The following MINDY4B variants were observed in gnomAD, a reference collection of about 807,000 sequenced individuals.
The protein encoded by MINDY4B is inactive ubiquitin carboxyl-terminal hydrolase MINDY-4B.
A neutral mutation model predicts 16.7 loss-of-function variants in MINDY4B; 25 were observed. The observed-to-expected ratio is 1.49, with a 90% CI of 1.09 to 2.09. MINDY4B has a LOEUF of 2.09. Among genes scored for constraint, MINDY4B ranks in the 30% most tolerant of loss-of-function variants. The pLI, the probability that MINDY4B is intolerant of heterozygous loss-of-function variation, is 0.00. For missense variants in MINDY4B, 327 were observed against 168.4 expected (o/e 1.94, Z -5.21); for synonymous variants, 132 against 61.9 (o/e 2.13, Z -5.32).
In MINDY4B at chr3:150,882,959, G is replaced by C. The variant is rs1161068678; in HGVS notation, c.997C>G (p.Arg333Gly). The C allele has an allele frequency of 1.0e-5, 7 of 702,764 alleles. No homozygotes were observed. 43.5% of individuals were successfully genotyped at this position (702,764 alleles called of 1,614,324 possible). The change falls in exon 10 of 12, where the codon CGC (arginine) becomes GGC (glycine). Residue 333 changes from arginine to glycine, a missense_variant. Arg to Gly is a moderately radical substitution (Grantham distance 125). Transcript: ENST00000465419. The stretch of plus-strand genomic sequence containing the variant: ...CACTGCAAATAGCCAACATCACTGC[G>C]GGTCAGGACTCCATGTAGTGTTTCC... ...SQETLHGVLT[R>G]SDVGYLQWGK...
intron 3 of MINDY4B, among the ~76,000 whole-genome samples, chr3:150,895,529 G>A (rs185185727): frequency 6.6e-6 from 1 of 152,180 alleles, no homozygotes; most frequent in East Asian, 1.9e-4. Flanking sequence ...ACGCTGTCAC[G>A]ATCTTGGCTC....
intron 3 of MINDY4B, among the ~76,000 whole-genome samples, chr3:150,896,790 G>C (rs575511409): frequency 1.3e-5 from 2 of 152,200 alleles, no homozygotes; most frequent in African/African-American, 2.4e-5. Context: ...TGGCAGGGGG[G>C]TGAAATCTAT....
chr3:150,886,645 T>G (rs960228520), intron 7 of MINDY4B, among the ~76,000 whole-genome samples: 1 of 152,210 alleles, frequency 6.6e-6, no homozygotes, highest in Non-Finnish European at 1.5e-5. Context: ...CTGGAAGCTT[T>G]TGGGGTAATT....
intron 10 of MINDY4B, 76 bp downstream of exon 10, chr3:150,882,821 G>A: frequency 1.7e-6 from 1 of 573,620 alleles, no homozygotes; most frequent in Non-Finnish European, 3.2e-6. Flanking sequence ...GGTTTGAATT[G>A]CCTAAATAGA....
Position 150,883,748 on chromosome 3 carries a change from G to A in MINDY4B, c.849C>T (p.Thr283=). The part of the protein sequence containing the change: ...FERLQMDLDV[T]TTQLLQPNAG... ...CATTTGGTTGTAGCAGCTGAGTGGT[G>A]GTGACATCTAGGTCCATTTGAAGCC... Residue 283 remains threonine (T), a synonymous_variant, in exon 9 of 12, where the codon ACC becomes ACT. Coordinates refer to ENST00000465419, the MANE Select transcript of MINDY4B (RefSeq NM_001351281.2). 1 of 702,758 alleles carries A rather than the reference G, an allele frequency of 1.4e-6. No homozygotes were observed. The highest frequency in any genetic ancestry group is 1.5e-5 in the South Asian group (1 of 67,588). 43.5% of individuals were successfully genotyped at this position (702,758 alleles called of 1,614,324 possible). A position where few individuals can be genotyped will look rare whatever the true frequency, so the allele number is the denominator to read the frequency against.
At chr3:150,891,639 G>A (rs1221847647) in intron 5 of MINDY4B, among the ~76,000 whole-genome samples, 1 of 151,876 alleles carries the variant, frequency 6.6e-6, no homozygotes, top group Non-Finnish European at 1.5e-5. Context: ...GCAGGCGCCT[G>A]TAGTCCCAGC....
At position 150,902,333 on chromosome 3, in the gene MINDY4B, C is replaced by T. The variant is rs938367046; in HGVS notation, c.309+916G>A. Reference sequence around the variant, plus strand: ...CATTCTTAAGGCCCTGAGTAGAGGTCCCTGCCTGAGCTTCTAGGATGTAAT... The same window carrying T: ...CATTCTTAAGGCCCTGAGTAGAGGTTCCTGCCTGAGCTTCTAGGATGTAAT... On this transcript the variant is annotated intron_variant, in intron 3 of 11. Transcript: ENST00000465419. 1.1e-4 allele frequency among the ~76,000 whole-genome samples: 17 copies of T among 152,250 alleles called. No homozygotes were observed. In the East Asian group the frequency reaches 3.3e-3, roughly 29 times the overall value.
rs1711779317 is a variant in MINDY4B at position 150,890,793 on chromosome 3, G to A, written c.687+145C>T. 13 of 591,092 alleles carry A rather than the reference G, an allele frequency of 2.2e-5. No homozygotes were observed. In the East Asian group the frequency reaches 3.3e-4, roughly 15 times the overall value. 36.6% of individuals were successfully genotyped at this position (591,092 alleles called of 1,614,324 possible). ...GTTGTGTCTGCTTGGATCACTTACA[G>A]CCCTTGGTACCTGCCTCTTTGGAAG... On this transcript the variant is annotated intron_variant, in intron 6 of 11. Coordinates refer to ENST00000465419, the MANE Select transcript of MINDY4B (RefSeq NM_001351281.2).
intron 11 of MINDY4B, among the ~76,000 whole-genome samples, chr3:150,871,967 C>T (rs1034234508): frequency 6.6e-6 from 1 of 152,210 alleles, no homozygotes; most frequent in African/African-American, 2.4e-5. Flanking sequence ...GAGTTTATCT[C>T]ATATTAGCCA....
At chr3:150,891,330 G>C (rs946623914) in intron 5 of MINDY4B, among the ~76,000 whole-genome samples, 3 of 152,160 alleles carry the variant, frequency 2.0e-5, no homozygotes, top group Non-Finnish European at 2.9e-5. Flanking sequence ...TTACACAGTG[G>C]GAGACCTTTA....
At chr3:150,877,045 C>T (rs1401103428) in intron 10 of MINDY4B, among the ~76,000 whole-genome samples, 1 of 105,396 alleles carries the variant, frequency 9.5e-6, no homozygotes, top group East Asian at 2.3e-4. Context: ...AATGAGAATA[C>T]CATCTTTTTT....
Position 150,882,964 on chromosome 3 carries a change from A to G in MINDY4B, c.992T>C (p.Leu331Pro), listed in dbSNP as rs1470208820. The G allele has an allele frequency of 1.4e-6, 1 of 702,804 alleles. No individual in the cohort carries two copies. The allele number at this position is 702,804 out of a possible 1,614,324, so 43.5% of individuals were successfully genotyped here. A position where few individuals can be genotyped will look rare whatever the true frequency, so the allele number is the denominator to read the frequency against. The change falls in exon 10 of 12, where the codon CTG (leucine) becomes CCG (proline). Residue 331 changes from leucine to proline, a missense_variant. Transcript: ENST00000465419. ...GKSQETLHGV[L>P]TRSDVGYLQW... The stretch of plus-strand genomic sequence containing the variant: ...CAAATAGCCAACATCACTGCGGGTC[A>G]GGACTCCATGTAGTGTTTCCTGAGA...
chr3:150,894,103 A>G, intron 4 of MINDY4B, 83 bp downstream of exon 4: 1 of 567,916 alleles, frequency 1.8e-6, no homozygotes, highest in Non-Finnish European at 3.1e-6. Flanking sequence ...GAAGACATGC[A>G]TTTACATGGA....
At chr3:150,873,899 A>G (rs1188577546) in intron 10 of MINDY4B, among the ~76,000 whole-genome samples, 1 of 152,092 alleles carries the variant, frequency 6.6e-6, no homozygotes, top group Non-Finnish European at 1.5e-5. Flanking sequence ...CACATCACAC[A>G]TATACACATA....
At chr3:150,896,706 T>C (rs1711978734) in intron 3 of MINDY4B, among the ~76,000 whole-genome samples, 1 of 152,194 alleles carries the variant, frequency 6.6e-6, no homozygotes, top group Non-Finnish European at 1.5e-5. Flanking sequence ...GAGGGTTGCC[T>C]GCACAAAAGT....
chr3:150,870,870 A>G lies in MINDY4B; in HGVS notation c.*175T>C, dbSNP rs1716950065. Among the ~76,000 whole-genome samples, 1 of 152,226 alleles carries G rather than the reference A, an allele frequency of 6.6e-6. No homozygotes were observed. On this transcript the variant is annotated 3_prime_UTR_variant, in exon 12 of 12. Transcript: ENST00000465419. ...CCTGTGTTTCTCCTACAATGCTGAC[A>G]GCTAGGGATTTACCAGAGACTTAAA...
intron 8 of MINDY4B, among the ~76,000 whole-genome samples, chr3:150,884,348 A>G (rs893915570): frequency 5.9e-5 from 9 of 152,196 alleles, no homozygotes; most frequent in Admixed American, 5.9e-4. Flanking sequence ...GTGTTCTTGA[A>G]CAAATCTATT....
chr3:150,889,186 A>C (rs750323835), intron 7 of MINDY4B, among the ~76,000 whole-genome samples: 4 of 152,256 alleles, frequency 2.6e-5, no homozygotes, highest in Admixed American at 1.3e-4. Flanking sequence ...TAGAAGTCAG[A>C]AGTCTGAAGT....
At chr3:150,901,088 A>G (rs1712103489) in intron 3 of MINDY4B, 1 of 152,188 alleles carries the variant, frequency 6.6e-6, no homozygotes, top group South Asian at 2.1e-4. Flanking sequence ...TCTCATTTTC[A>G]CATAAAAGGT....
Sources: gnomAD v4.1 joint callset for allele counts (sites outside exome capture counted in the v4.1 genomes callset) on GRCh38, gnomAD v4.1.1 for gene constraint, MANE v1.5 for transcripts, NCBI Gene and HGNC (gene_info 2026-07-23, HGNC 2026-07-21) for gene names.